The following RYR2 variants were observed in gnomAD, a reference collection of about 807,000 sequenced individuals.
RYR2 encodes the protein cardiac muscle ryanodine receptor-calcium release channel.
A neutral mutation model predicts 601.1 loss-of-function variants in RYR2; 227 were observed. The observed-to-expected ratio is 0.38, with a 90% confidence interval of 0.34 to 0.42. The LOEUF (loss-of-function observed/expected upper bound fraction) is 0.42. RYR2 is among the 10% of genes least tolerant of loss of function. RYR2 has a pLI of 1.00. For missense variants in RYR2, 4,646 were observed against 6,156.5 expected (o/e 0.75, Z 8.21); for synonymous variants, 2,223 against 2,175.1 (o/e 1.02, Z -0.61).
At chr1:237,343,209 C>T (rs933322061) in intron 3 of RYR2, among the ~76,000 whole-genome samples, 1 of 151,040 alleles carries the variant, frequency 6.6e-6, no homozygotes, top group African/African-American at 2.4e-5. Context: ...GGTGACAGAG[C>T]GAGATGCTGT....
chr1:237,816,661 C>G (rs1328534502), intron 100 of RYR2, among the ~76,000 whole-genome samples: 1 of 150,526 alleles, frequency 6.6e-6, no homozygotes, highest in Admixed American at 6.6e-5. Flanking sequence ...TGTACTCTAG[C>G]CTGGGAGACG....
chr1:237,175,315 T>C (rs1677901086), intron 1 of RYR2, among the ~76,000 whole-genome samples: 1 of 152,216 alleles, frequency 6.6e-6, no homozygotes, highest in African/African-American at 2.4e-5. Context: ...TTTATTTTCC[T>C]TATGAGGCAT....
chr1:237,082,210 A>G (rs1160754691), intron 1 of RYR2, among the ~76,000 whole-genome samples: 1 of 151,998 alleles, frequency 6.6e-6, no homozygotes, highest in Non-Finnish European at 1.5e-5. Flanking sequence ...TCTTCACAGG[A>G]TCATGTGAGG....
chr1:237,640,579 T>G (rs758843283), intron 46 of RYR2, among the ~76,000 whole-genome samples: 3 of 152,148 alleles, frequency 2.0e-5, no homozygotes, highest in Non-Finnish European at 4.4e-5. Context: ...TTTGATCAGT[T>G]ATTTTCTTTG....
In RYR2 at chr1:237,348,052, C is replaced by T. The variant is rs116344486; in HGVS notation, c.274-7913C>T. ...GTTTATGTAATCTCTGGCCTGACAA[C>T]GTAGGCAGAATTTGAGGATACAAGA... On this transcript the variant is annotated intron_variant, in intron 3 of 104. Coordinates refer to ENST00000366574, the MANE Select transcript of RYR2 (RefSeq NM_001035.3). 8.0e-3 allele frequency among the ~76,000 whole-genome samples: 1,220 copies of T among 152,154 alleles called. 15 individuals carry two copies. The highest frequency in any genetic ancestry group is 0.025 in the African/African-American group (1,048 of 41,500).
intron 3 of RYR2, among the ~76,000 whole-genome samples, chr1:237,343,576 C>T (rs1698022993): frequency 1.3e-5 from 2 of 151,560 alleles, no homozygotes; most frequent in East Asian, 1.9e-4. Context: ...CCAAGGTCAG[C>T]GATTAAAAAT....
intron 29 of RYR2, among the ~76,000 whole-genome samples, chr1:237,573,775 T>A (rs2779410): frequency 9.9e-5 from 15 of 151,158 alleles, no homozygotes; most frequent in African/African-American, 2.9e-4. Flanking sequence ...TCACGCCACC[T>A]CACTCCAGCC....
chr1:237,784,824 A>G lies in RYR2; in HGVS notation c.13112A>G (p.Glu4371Gly), dbSNP rs1695416603. The change falls in exon 90 of 105, where the codon GAG (glutamate) becomes GGG (glycine). Residue 4371 changes from glutamate (E) to glycine (G), a missense_variant. Glu to Gly is a moderately conservative substitution (Grantham distance 98). Transcript: ENST00000366574. This position sits in a 1 kb window ranked among gnomAD's most constrained non-coding sequence, Gnocchi z 7.1. Reference sequence around the variant, plus strand: ...CTGACCGACTTAAAGGAGCTGACAGAGGAAAGTGACCTTCTTTCGGACATC... The same window carrying G: ...CTGACCGACTTAAAGGAGCTGACAGGGGAAAGTGACCTTCTTTCGGACATC... ...EDLTDLKELTEESDLLSDIFG... is the reference protein window; with the variant it reads ...EDLTDLKELTGESDLLSDIFG... 5 of 1,613,632 alleles carry G rather than the reference A, an allele frequency of 3.1e-6. No homozygotes were observed. The highest frequency in any genetic ancestry group is 1.7e-5 in the Admixed American group (1 of 59,996).
chr1:237,072,177 C>T (rs1366194803), intron 1 of RYR2, among the ~76,000 whole-genome samples: 3 of 152,198 alleles, frequency 2.0e-5, no homozygotes, highest in Admixed American at 6.5e-5. Flanking sequence ...GCTTGTTCCT[C>T]GTGCCCTCCG....
At chr1:237,156,409 G>T (rs1034883652) in intron 1 of RYR2, among the ~76,000 whole-genome samples, 21 of 152,300 alleles carry the variant, frequency 1.4e-4, no homozygotes, top group African/African-American at 4.8e-4. Context: ...CCTCCTGGAG[G>T]TTTTACAATG....
At chr1:237,576,161 A>G (rs1352675810) in intron 29 of RYR2, among the ~76,000 whole-genome samples, 1 of 152,210 alleles carries the variant, frequency 6.6e-6, no homozygotes, top group Non-Finnish European at 1.5e-5. Flanking sequence ...CAAAAGCCTG[A>G]AGATATTAAT....
chr1:237,376,262 T>C lies in RYR2; in HGVS notation c.464-1061T>C, dbSNP rs189246656. ...AAAGCAAGTTAGACTATGGTTTATG[T>C]AAGAAAAAACACAGATTACATGTTG... On this transcript the variant is annotated intron_variant, in intron 7 of 104. Coordinates refer to ENST00000366574, the MANE Select transcript of RYR2 (RefSeq NM_001035.3). 2.8e-3 allele frequency among the ~76,000 whole-genome samples: 424 copies of C among 152,290 alleles called. 2 individuals carry two copies. Among genetic ancestry groups the C allele is most frequent in the African/African-American group, 9.7e-3 (405 of 41,578 alleles).
chr1:237,402,599 G>C (rs1284274799), intron 10 of RYR2, among the ~76,000 whole-genome samples: 5 of 152,276 alleles, frequency 3.3e-5, no homozygotes, highest in African/African-American at 4.8e-5. Flanking sequence ...AATCAGATCA[G>C]AAGACTATTC....
At chr1:237,744,787 A>G (rs1200215700) in intron 80 of RYR2, among the ~76,000 whole-genome samples, 1 of 150,530 alleles carries the variant, frequency 6.6e-6, no homozygotes, top group Non-Finnish European at 1.5e-5. Context: ...AACTATTTTA[A>G]AATTCCTTTG....
intron 1 of RYR2, among the ~76,000 whole-genome samples, chr1:237,203,522 T>C (rs1681430765): frequency 6.6e-6 from 1 of 152,156 alleles, no homozygotes; most frequent in Non-Finnish European, 1.5e-5. Flanking sequence ...AATTCTACTT[T>C]GGGAATTTAA....
At chr1:237,574,701 G>A (rs536482021) in intron 29 of RYR2, among the ~76,000 whole-genome samples, 2 of 152,068 alleles carry the variant, frequency 1.3e-5, no homozygotes, top group Non-Finnish European at 2.9e-5. Flanking sequence ...TGAGAACTGA[G>A]AACAGCCCCA....
chr1:237,167,484 G>T (rs1676837730), intron 1 of RYR2, among the ~76,000 whole-genome samples: 1 of 152,056 alleles, frequency 6.6e-6, no homozygotes, highest in Admixed American at 6.6e-5. Flanking sequence ...CCTTTCGTTT[G>T]CAATAACTTT....
chr1:237,821,002 GA>G (rs200845676), intron 101 of RYR2, among the ~76,000 whole-genome samples: 1 of 151,730 alleles, frequency 6.6e-6, no homozygotes, highest in African/African-American at 2.4e-5. Context: ...GGCATCTCTG[GA>G]AAAAAAAGGC....
chr1:237,781,016 A>C (rs1212502939), intron 88 of RYR2, among the ~76,000 whole-genome samples: 1 of 151,848 alleles, frequency 6.6e-6, no homozygotes, highest in Non-Finnish European at 1.5e-5. Context: ...TGGTTCTTTC[A>C]TATTATTGCT....
Sources: allele counts gnomAD v4.1 joint callset (sites outside exome capture counted in the v4.1 genomes callset), GRCh38; gene constraint gnomAD v4.1.1; non-coding constraint Gnocchi (gnomAD v3.1); transcripts MANE v1.5; gene names NCBI Gene and HGNC (gene_info 2026-07-23, HGNC 2026-07-21).